The following RPA1 variants were observed in gnomAD, a reference collection of about 807,000 sequenced individuals.
The protein encoded by RPA1 is replication protein A 70 kDa DNA-binding subunit.
In RPA1, 49 loss-of-function variants were observed where a neutral mutation model predicts 83.0. The ratio of observed to expected loss-of-function variants is 0.59; its 90% CI spans 0.47 to 0.75. The LOEUF is 0.75. Ranked by LOEUF, RPA1 falls within the 30% of genes least tolerant of loss-of-function variation. The pLI is 0.00. For synonymous variants in RPA1, 279 were observed against 281.8 expected (o/e 0.99, Z 0.10); for missense variants, 693 against 776.1 (o/e 0.89, Z 1.27).
At chr17:1,839,793 T>TTG (rs1911975229) in intron 1 of RPA1, among the ~76,000 whole-genome samples, 1 of 133,776 alleles carries the variant, frequency 7.5e-6, no homozygotes, top group African/African-American at 3.2e-5. Context: ...AGCTAGTTTT[T>TTG]TTTTTTTTTT....
chr17:1,859,213 T>C (rs1184931429), intron 5 of RPA1, among the ~76,000 whole-genome samples: 1 of 152,206 alleles, frequency 6.6e-6, no homozygotes, highest in Non-Finnish European at 1.5e-5. Flanking sequence ...TTGAGTCTTA[T>C]TTTATGTCCA....
At chr17:1,892,334 A>G (rs1056844288) in intron 15 of RPA1, among the ~76,000 whole-genome samples, 2 of 151,966 alleles carry the variant, frequency 1.3e-5, no homozygotes, top group Admixed American at 6.6e-5. Flanking sequence ...GCTGTTTAAT[A>G]TTTTTTAGTT....
Position 1,844,098 on chromosome 17 carries a change from G to T in RPA1, c.163+100G>T, listed in dbSNP as rs553739260. 18 of 947,522 alleles carry T rather than the reference G, an allele frequency of 1.9e-5. No individual in the cohort carries two copies. In the South Asian group the frequency reaches 2.4e-4, roughly 13 times the overall value. The allele number at this position is 947,522 out of a possible 1,614,324, so 58.7% of individuals were successfully genotyped here. ...TAATTTGGGGGCATTCGTGAAGTCC[G>T]TACTTGCTTGGCTACGTACTTCATT... On this transcript the variant is annotated intron_variant, in intron 3 of 16. Transcript: ENST00000254719.
rs921254121 is a variant in RPA1, at chr17:1,888,617, G to A, written c.1375-58G>A. 7 of 1,541,660 alleles carry A rather than the reference G, an allele frequency of 4.5e-6. No individual in the cohort carries two copies. In the Admixed American group the frequency reaches 7.4e-5, roughly 16 times the overall value. ...AAGGGCAGGCTTTGAGCTGCCTCTC[G>A]GTCCGATCCTGGGCGGGCTCGCGAC... On this transcript the variant is annotated intron_variant, in intron 13 of 16. Transcript: ENST00000254719.
Position 1,894,967 on chromosome 17 carries a change from C to G in RPA1, c.1660-42C>G, listed in dbSNP as rs374445322. On this transcript the variant is annotated intron_variant, in intron 15 of 16. Coordinates refer to ENST00000254719, the MANE Select transcript of RPA1 (RefSeq NM_002945.5). ...AGTCTTATCAGTATTTGCAAGTTGT[C>G]CAGTGGTTTCCATGTGTCAAGTTTT... is the stretch of plus-strand genomic sequence containing the variant. The G allele has an allele frequency of 4.0e-6, 6 of 1,513,494 alleles. No individual in the cohort carries two copies. In the African/African-American group the frequency reaches 8.2e-5, roughly 21 times the overall value. 93.8% of individuals were successfully genotyped at this position (1,513,494 alleles called of 1,614,324 possible). A position where few individuals can be genotyped will look rare whatever the true frequency, so the allele number is the denominator to read the frequency against.
chr17:1,848,938 G>A (rs1455266372), intron 4 of RPA1, among the ~76,000 whole-genome samples: 1 of 152,072 alleles, frequency 6.6e-6, no homozygotes, highest in African/African-American at 2.4e-5. Flanking sequence ...GTTAGTTGAT[G>A]GGCATTCGGA....
At chr17:1,845,067 G>A (rs1161996504) in intron 4 of RPA1, among the ~76,000 whole-genome samples, 1 of 151,990 alleles carries the variant, frequency 6.6e-6, no homozygotes, top group Non-Finnish European at 1.5e-5. Flanking sequence ...GGGATTACAG[G>A]TGCGAGCCAT....
Position 1,885,240 on chromosome 17 carries a change from C to T in RPA1, c.1374+1296C>T, listed in dbSNP as rs571201476. Among the ~76,000 whole-genome samples the T allele has an allele frequency of 2.6e-5, 4 of 152,292 alleles. No individual in the cohort carries two copies. The East Asian group carries it at 5.8e-4, about 22-fold the overall frequency. ...TCAAGAAAGCACTTTCCTTGCCCAT[C>T]GTAAGGAGCAGCTCCTTATCCGTTC... is the stretch of plus-strand genomic sequence containing the variant. On this transcript the variant is annotated intron_variant, in intron 13 of 16. Transcript: ENST00000254719.
At chr17:1,891,973 C>T in intron 15 of RPA1, 33 bp downstream of exon 15, 3 of 1,433,890 alleles carry the variant, frequency 2.1e-6, no homozygotes, top group East Asian at 2.3e-5. Context: ...ACTTCTATAA[C>T]TTTTAATGGT....
At position 1,842,819 on chromosome 17, in the gene RPA1, G is replaced by A; in HGVS notation, c.50G>A (p.Gly17Glu). ...EGAIAAIMQK[G>E]DTNIKPILQV... is the part of the protein sequence containing the mutation. ...CTCCCTCAGGCCATCATGCAGAAGGGGGATACAAACATAAAGCCCATCCTC... is the reference window on the plus strand; with the variant it reads ...CTCCCTCAGGCCATCATGCAGAAGGAGGATACAAACATAAAGCCCATCCTC... Residue 17 changes from glycine to glutamate, a missense_variant, in exon 2 of 17, where the codon GGG becomes GAG. Gly to Glu is a moderately conservative substitution (Grantham distance 98). Coordinates refer to ENST00000254719, the MANE Select transcript of RPA1 (RefSeq NM_002945.5). 6.2e-7 allele frequency: 1 copy of A among 1,614,042 alleles called. No individual in the cohort carries two copies. The highest frequency in any genetic ancestry group is 8.5e-7 in the Non-Finnish European group (1 of 1,179,980).
intron 5 of RPA1, among the ~76,000 whole-genome samples, chr17:1,860,299 A>G (rs1324943182): frequency 3.3e-5 from 5 of 151,992 alleles, no homozygotes. Context: ...CGGCAGTGCC[A>G]CCACGCCCGG....
At chr17:1,857,255 C>CTTTTTTTTTT (rs1214221521) in intron 5 of RPA1, among the ~76,000 whole-genome samples, 1 of 107,696 alleles carries the variant, frequency 9.3e-6, no homozygotes, top group Non-Finnish European at 1.8e-5. Context: ...CTCTTTTTTT[C>CTTTTTTTTTT]TTTTTCTTTT....
chr17:1,876,615 G>C (rs911049647), intron 7 of RPA1, among the ~76,000 whole-genome samples: 4 of 152,098 alleles, frequency 2.6e-5, no homozygotes, highest in African/African-American at 9.7e-5. Flanking sequence ...TCTTTTTTCA[G>C]AATCCTTCCA....
At position 1,852,567 on chromosome 17, in the gene RPA1, C is replaced by T. The variant is rs964698140; in HGVS notation, c.273-534C>T. Among the ~76,000 whole-genome samples, 9 of 152,100 alleles carry T rather than the reference C, an allele frequency of 5.9e-5. No individual in the cohort carries two copies. In the East Asian group the frequency reaches 7.7e-4, roughly 13 times the overall value. On this transcript the variant is annotated intron_variant, in intron 4 of 16. Coordinates refer to ENST00000254719, the MANE Select transcript of RPA1 (RefSeq NM_002945.5). Reference sequence around the variant, plus strand: ...AGAGGGCAGAGGGCAGGCAGCGGCACGGGAGGGGGGTTAGCAAGGCCAGGC... The same window carrying T: ...AGAGGGCAGAGGGCAGGCAGCGGCATGGGAGGGGGGTTAGCAAGGCCAGGC...
At chr17:1,860,497 G>A (rs1912910964) in intron 5 of RPA1, among the ~76,000 whole-genome samples, 1 of 152,142 alleles carries the variant, frequency 6.6e-6, no homozygotes, top group Non-Finnish European at 1.5e-5. Flanking sequence ...TGGTTTCTCA[G>A]GCAGTGCCTA....
Position 1,883,964 on chromosome 17 carries a change from A to G in RPA1, c.1374+20A>G, listed in dbSNP as rs1454776484. 17 of 1,612,784 alleles carry G rather than the reference A, an allele frequency of 1.1e-5. No homozygotes were observed. The Admixed American group carries it at 2.5e-4, about 24-fold the overall frequency. Reference sequence around the variant, plus strand: ...GACAAGGTACCCAGCATTCCTAACCACCTTCACAAAGGGCTGTAAAGTGTG... The same window carrying G: ...GACAAGGTACCCAGCATTCCTAACCGCCTTCACAAAGGGCTGTAAAGTGTG... On this transcript the variant is annotated intron_variant, in intron 13 of 16. Coordinates refer to ENST00000254719, the MANE Select transcript of RPA1 (RefSeq NM_002945.5).
intron 1 of RPA1, among the ~76,000 whole-genome samples, chr17:1,842,500 GATTT>G (rs992944725): frequency 2.0e-5 from 3 of 152,096 alleles, no homozygotes. Context: ...ATGTATATAG[GATTT>G]ATTTATCTAA....
intron 4 of RPA1, among the ~76,000 whole-genome samples, chr17:1,845,651 C>G (rs1294307531): frequency 6.6e-6 from 1 of 152,154 alleles, no homozygotes; most frequent in East Asian, 1.9e-4. Flanking sequence ...TGATTTCAGG[C>G]AAGGTGCAGT....
At chr17:1,855,005 A>G (rs534910015) in intron 5 of RPA1, among the ~76,000 whole-genome samples, 1 of 152,244 alleles carries the variant, frequency 6.6e-6, no homozygotes, top group Admixed American at 6.5e-5. Flanking sequence ...GGGTTTTCTT[A>G]GAGTCTTTTT....
Sources: gnomAD v4.1 joint callset for allele counts (sites outside exome capture counted in the v4.1 genomes callset) on GRCh38, gnomAD v4.1.1 for gene constraint, MANE v1.5 for transcripts, NCBI Gene and HGNC (gene_info 2026-07-23, HGNC 2026-07-21) for gene names.